ZMYM4: variants seen among roughly 807,000 people sequenced by gnomAD.
The protein encoded by ZMYM4 is zinc finger MYM-type containing 4.
Under a neutral mutation model 183.2 loss-of-function variants are expected in ZMYM4, and 31 were observed. The observed-to-expected ratio is 0.17, with a 90% CI of 0.13 to 0.23. The LOEUF is 0.23. ZMYM4 is among the 10% of genes least tolerant of loss of function. The pLI, the probability that ZMYM4 is intolerant of heterozygous loss-of-function variation, is 1.00. For missense variants in ZMYM4, 1,273 were observed against 1,840.3 expected, an observed-to-expected ratio of 0.69 and a Z score of 5.64; for synonymous variants, 592 against 631.2, an observed-to-expected ratio of 0.94 and a Z score of 0.93.
At chr1:35,297,439 C>T (rs754565594) in intron 1 of ZMYM4, among the ~76,000 whole-genome samples, 22 of 149,986 alleles carry the variant, frequency 1.5e-4, no homozygotes, top group South Asian at 6.3e-4. Context: ...TGCAGTGAGC[C>T]GAGGTCACGC....
Position 35,385,498 on chromosome 1 carries a change from A to C in ZMYM4, c.1626A>C (p.Glu542Asp). ...ALCKSLRSSA[E>D]MIENTNSLGK... Reference sequence around the variant, plus strand: ...GCAAATCATTGAGATCCTCAGCAGAAATGATTGAAAATACCAATAGCTTGG... The same window carrying C: ...GCAAATCATTGAGATCCTCAGCAGACATGATTGAAAATACCAATAGCTTGG... The change falls in exon 10 of 30, where the codon GAA (glutamate) becomes GAC (aspartate). Residue 542 changes from glutamate to aspartate, a missense_variant. Glu to Asp is a conservative substitution (Grantham distance 45). Coordinates refer to ENST00000314607, the MANE Select transcript of ZMYM4 (RefSeq NM_005095.3). 2 of 1,613,614 alleles carry C rather than the reference A, an allele frequency of 1.2e-6. No homozygotes were observed. Among genetic ancestry groups the C allele is most frequent in the Non-Finnish European group, 1.7e-6 (2 of 1,179,876 alleles).
At chr1:35,316,214 G>A (rs752780324) in intron 1 of ZMYM4, among the ~76,000 whole-genome samples, 1 of 152,110 alleles carries the variant, frequency 6.6e-6, no homozygotes, top group Non-Finnish European at 1.5e-5. Context: ...TCTCCCTTAA[G>A]CTTTGTTTGT....
Position 35,370,366 on chromosome 1 carries a change from T to A in ZMYM4, c.926-6T>A. On this transcript the variant is annotated splice_region_variant and splice_polypyrimidine_tract_variant and intron_variant, in intron 6 of 29. Coordinates refer to ENST00000314607, the MANE Select transcript of ZMYM4 (RefSeq NM_005095.3). ...TTTTTTTTTTTTTTTTTTTTTTTTT[T>A]TAAAGCTCCACAGTTGACTACTGGC... 7.0e-7 allele frequency: 1 copy of A among 1,430,076 alleles called. No homozygotes were observed. The highest frequency in any genetic ancestry group is 9.2e-7 in the Non-Finnish European group (1 of 1,088,722). The allele number at this position is 1,430,076 out of a possible 1,614,324, so 88.6% of individuals were successfully genotyped here.
chr1:35,377,695 A>G lies in ZMYM4; in HGVS notation c.1182-3564A>G, dbSNP rs574817970. Among the ~76,000 whole-genome samples, 5 of 152,352 alleles carry G rather than the reference A, an allele frequency of 3.3e-5. No homozygotes were observed. In the East Asian group the frequency reaches 9.6e-4, roughly 29 times the overall value. ...ATTAAAAATACTGCATTGCTAACAA[A>G]TGCTAACAATCATGTGAGCCTTCAG... On this transcript the variant is annotated intron_variant, in intron 7 of 29. Coordinates refer to ENST00000314607, the MANE Select transcript of ZMYM4 (RefSeq NM_005095.3).
chr1:35,419,526 G>A lies in ZMYM4; in HGVS notation c.4496G>A (p.Cys1499Tyr). ...TTTTACCTTCAACCTGAGCGCTCCT[G>A]TGTCCCGAATAGCCCCATGTGGTAC... ...DVFYLQPERSCVPNSPMWYST... is the reference protein window; with the variant it reads ...DVFYLQPERSYVPNSPMWYST... The change falls in exon 30 of 30, where the codon TGT (cysteine) becomes TAT (tyrosine). Residue 1499 changes from cysteine to tyrosine, a missense_variant. Cys to Tyr is a radical substitution (Grantham distance 194). This residue lies in a region of ZMYM4 where 145 missense variants were observed against 331.6 expected (regional missense o/e 0.44). Coordinates refer to ENST00000314607, the MANE Select transcript of ZMYM4 (RefSeq NM_005095.3). The A allele has an allele frequency of 6.2e-7, 1 of 1,613,698 alleles. No individual in the cohort carries two copies.
At chr1:35,364,865 G>A (rs920948687) in intron 5 of ZMYM4, among the ~76,000 whole-genome samples, 1 of 152,088 alleles carries the variant, frequency 6.6e-6, no homozygotes, top group East Asian at 1.9e-4. Flanking sequence ...TAAACAAGGT[G>A]CTGAAATGTG....
chr1:35,410,222 A>G (rs1299938640), intron 26 of ZMYM4, among the ~76,000 whole-genome samples: 3 of 152,178 alleles, frequency 2.0e-5, no homozygotes, highest in Admixed American at 6.5e-5. Flanking sequence ...TCAGGGCCCC[A>G]CTGCCAACAT....
At chr1:35,315,603 C>A (rs927040254) in intron 1 of ZMYM4, among the ~76,000 whole-genome samples, 1 of 151,880 alleles carries the variant, frequency 6.6e-6, no homozygotes, top group South Asian at 2.1e-4. Context: ...AATAAAAATG[C>A]GAAAAGAAGA....
At chr1:35,408,251 G>C in intron 26 of ZMYM4, 92 bp downstream of exon 26, 1 of 1,407,732 alleles carries the variant, frequency 7.1e-7, no homozygotes, top group Non-Finnish European at 9.7e-7. Flanking sequence ...TACACACCCA[G>C]ATATATACTG....
Position 35,359,309 on chromosome 1 carries a change from T to A in ZMYM4, c.470T>A (p.Leu157Gln). The A allele has an allele frequency of 5.6e-6, 9 of 1,610,484 alleles. No individual in the cohort carries two copies. The highest frequency in any genetic ancestry group is 7.6e-6 in the Non-Finnish European group (9 of 1,178,996). Reference protein sequence around the residue: ...VFKSIRKDFSLVRENSKETFS... With the variant: ...VFKSIRKDFSQVRENSKETFS... ...AAATCAATACGGAAAGATTTTAGTC[T>A]AGTAAGAGAAAACAGCAAAGAGACA... Residue 157 changes from leucine (L) to glutamine (Q), a missense_variant, in exon 3 of 30, where the codon CTA becomes CAA. Around this residue, in one of 6 missense-constraint regions of ZMYM4, gnomAD observed 384 missense variants for 465.6 expected, o/e 0.82. Transcript: ENST00000314607.
At chr1:35,385,136 C>T (rs552243316) in intron 9 of ZMYM4, among the ~76,000 whole-genome samples, 18 of 152,132 alleles carry the variant, frequency 1.2e-4, no homozygotes, top group African/African-American at 2.9e-4. Flanking sequence ...TGAGCCACTA[C>T]GCCTGGCCGC....
chr1:35,353,088 C>T (rs1020577036), intron 2 of ZMYM4, among the ~76,000 whole-genome samples: 2 of 152,214 alleles, frequency 1.3e-5, no homozygotes, highest in Admixed American at 6.5e-5. Flanking sequence ...CAGGAAATGA[C>T]ACCCTGTTGT....
In ZMYM4 at chr1:35,273,803, A is replaced by G. The variant is rs948249239; in HGVS notation, c.39+4718A>G. On this transcript the variant is annotated intron_variant, in intron 1 of 29. Transcript: ENST00000314607. ...TTACCACTGATTACCTTCAGTGGGT[A>G]GGGAGGAGAAACGAAAGAGAGTATA... is the stretch of plus-strand genomic sequence containing the variant. Among the ~76,000 whole-genome samples the G allele has an allele frequency of 9.7e-4, 147 of 152,180 alleles. 1 individual carries two copies. Among genetic ancestry groups the G allele is most frequent in the African/African-American group, 3.5e-3 (143 of 41,446 alleles).
chr1:35,405,320 T>C, intron 24 of ZMYM4, 53 bp from the exon 25 acceptor site: 1 of 1,579,834 alleles, frequency 6.3e-7, no homozygotes, highest in Non-Finnish European at 8.6e-7. Context: ...ACTTAATTTT[T>C]TCCGCACTTT....
intron 15 of ZMYM4, 61 bp downstream of exon 15, chr1:35,390,159 T>C (rs1009261124): frequency 2.6e-6 from 4 of 1,540,144 alleles, no homozygotes; most frequent in Non-Finnish European, 3.5e-6. Context: ...TACTGTTCTT[T>C]TACAGATCAG....
At position 35,419,757 on chromosome 1, in the gene ZMYM4, A is replaced by ATT; in HGVS notation, c.*81_*82insTT. On this transcript the variant is annotated 3_prime_UTR_variant, in exon 30 of 30. Transcript: ENST00000314607. The stretch of plus-strand genomic sequence containing the variant: ...GCATCCAGCTGTTGGAAAATGATGT[A>ATT]TAAGTCTAAGTCCTCTTGACTTGAC... 1 of 1,438,480 alleles carries ATT rather than the reference A, an allele frequency of 7.0e-7. No individual in the cohort carries two copies. Among genetic ancestry groups the ATT allele is most frequent in the Non-Finnish European group, 9.6e-7 (1 of 1,039,244 alleles). The allele number at this position is 1,438,480 out of a possible 1,614,324, so 89.1% of individuals were successfully genotyped here.
chr1:35,331,392 A>T (rs931354817), intron 2 of ZMYM4, among the ~76,000 whole-genome samples: 2 of 152,200 alleles, frequency 1.3e-5, no homozygotes, highest in African/African-American at 4.8e-5. Flanking sequence ...TTTTCAAATG[A>T]ATAAACTGAA....
intron 2 of ZMYM4, among the ~76,000 whole-genome samples, chr1:35,331,651 G>A (rs1307675734): frequency 6.6e-6 from 1 of 151,910 alleles, no homozygotes; most frequent in African/African-American, 2.4e-5. Context: ...ACTGGGTGTG[G>A]TGGCGGGCAC....
intron 1 of ZMYM4, among the ~76,000 whole-genome samples, chr1:35,324,764 G>T (rs1642433359): frequency 6.6e-6 from 1 of 152,190 alleles, no homozygotes; most frequent in South Asian, 2.1e-4. Flanking sequence ...CAGAGACTCA[G>T]AGTGAAGTGT....
Sources: gnomAD v4.1 joint callset for allele counts (sites outside exome capture counted in the v4.1 genomes callset) on GRCh38, gnomAD v4.1.1 for gene constraint, gnomAD v4.1.1 regional missense constraint, MANE v1.5 for transcripts, NCBI Gene and HGNC (gene_info 2026-07-23, HGNC 2026-07-21) for gene names.